Variants in FREM1 observed in about 807,000 individuals in gnomAD.
FREM1 encodes FRAS1-related extracellular matrix protein 1.
FREM1 carries 220 observed loss-of-function variants against 210.1 expected under a neutral mutation model. The ratio of observed to expected loss-of-function variants is 1.05; its 90% CI spans 0.94 to 1.17. The LOEUF is 1.17. FREM1 is among the 50% of genes most tolerant of loss of function. The pLI is 0.00. For synonymous variants in FREM1, 1,189 were observed against 980.2 expected, an observed-to-expected ratio of 1.21 and a Z score of -3.98; for missense variants, 3,454 against 2,675.5, an observed-to-expected ratio of 1.29 and a Z score of -6.42.
intron 20 of FREM1, among the ~76,000 whole-genome samples, chr9:14,799,514 T>A (rs951447470): frequency 3.3e-5 from 5 of 152,142 alleles, no homozygotes; most frequent in African/African-American, 1.2e-4. Flanking sequence ...TATTTTTTCT[T>A]CAAAATGACT....
In FREM1 at chr9:14,859,810, A is replaced by G. The variant is rs187446685; in HGVS notation, c.330-326T>C. On this transcript the variant is annotated intron_variant, in intron 3 of 36. Coordinates refer to ENST00000380880, the MANE Select transcript of FREM1 (RefSeq NM_001379081.2). ...GCACATGTGTAATTTAAGAGTCTCA[A>G]GCCTATATAATTTCTGGATTGACTT... 1.7e-3 allele frequency among the ~76,000 whole-genome samples: 260 copies of G among 152,316 alleles called. 1 individual carries two copies. Among genetic ancestry groups the G allele is most frequent in the Middle Eastern group, 0.01 (3 of 294 alleles).
chr9:14,805,752 T>C (rs1818233845), intron 18 of FREM1, among the ~76,000 whole-genome samples: 1 of 152,258 alleles, frequency 6.6e-6, no homozygotes. Context: ...ATATTTAAAA[T>C]GGACATTCTT....
intron 20 of FREM1, among the ~76,000 whole-genome samples, 182 bp from the exon 21 acceptor site, chr9:14,797,824 T>G (rs1428028513): frequency 3.3e-5 from 5 of 152,210 alleles, no homozygotes; most frequent in Non-Finnish European, 5.9e-5. Context: ...TATTAAAGAC[T>G]TTTTATTTAA....
chr9:14,807,048 C>T (rs1372311757), intron 17 of FREM1, among the ~76,000 whole-genome samples: 1 of 152,074 alleles, frequency 6.6e-6, no homozygotes, highest in Non-Finnish European at 1.5e-5. Context: ...TTACTTTGAC[C>T]TATGGAATTA....
At chr9:14,848,552 T>G in intron 7 of FREM1, 113 bp downstream of exon 7, 1 of 501,786 alleles carries the variant, frequency 2.0e-6, no homozygotes, top group Non-Finnish European at 3.6e-6. Context: ...CTGTCTGGGT[T>G]TCAGTTGCCA....
intron 2 of FREM1, among the ~76,000 whole-genome samples, chr9:14,865,076 T>C (rs947777198): frequency 3.3e-5 from 5 of 152,226 alleles, no homozygotes; most frequent in Admixed American, 6.5e-5. Flanking sequence ...TAAATCCTTT[T>C]CTAATTACTG....
chr9:14,855,692 A>C (rs1400296570), intron 5 of FREM1, among the ~76,000 whole-genome samples: 1 of 152,108 alleles, frequency 6.6e-6, no homozygotes, highest in African/African-American at 2.4e-5. Flanking sequence ...TTACTTTTAT[A>C]TTCATAAATG....
At chr9:14,847,460 G>GAA (rs1268130596) in intron 7 of FREM1, among the ~76,000 whole-genome samples, 3 of 133,582 alleles carry the variant, frequency 2.2e-5, no homozygotes, top group Non-Finnish European at 3.3e-5. Context: ...GAGGGAGGGT[G>GAA]GGAGGGAGAA....
At position 14,758,492 on chromosome 9, in the gene FREM1, A is replaced by T. The variant is rs76793813; in HGVS notation, c.5334+1280T>A. Among the ~76,000 whole-genome samples, 336 of 152,334 alleles carry T rather than the reference A, an allele frequency of 2.2e-3. 6 individuals carry two copies. The East Asian group carries it at 0.047, about 21-fold the overall frequency. ...TTTTCTCCTGTCTTAATAACAAAAA[A>T]GTAACCAACAGATCTAGGAAAAAGG... is the stretch of plus-strand genomic sequence containing the variant. On this transcript the variant is annotated intron_variant, in intron 28 of 36. Transcript: ENST00000380880.
chr9:14,754,672 G>A (rs954217826), intron 29 of FREM1, among the ~76,000 whole-genome samples: 1 of 152,116 alleles, frequency 6.6e-6, no homozygotes, highest in South Asian at 2.1e-4. Flanking sequence ...AGTGACTCAT[G>A]CCTGTAATCC....
At chr9:14,740,048 A>G in intron 36 of FREM1, 101 bp downstream of exon 36, 2 of 654,614 alleles carry the variant, frequency 3.1e-6, no homozygotes, top group South Asian at 5.2e-5. Context: ...ATTGTAAACC[A>G]CTATCATTTA....
chr9:14,791,079 A>C (rs893318273), intron 22 of FREM1: 6 of 152,178 alleles, frequency 3.9e-5, no homozygotes, highest in African/African-American at 1.4e-4. Flanking sequence ...TCCATCAAAT[A>C]ATTGCAATGG....
At chr9:14,806,550 G>A (rs772322434) in intron 18 of FREM1, 111 bp downstream of exon 18, 101 of 700,342 alleles carry the variant, frequency 1.4e-4, no homozygotes, top group Middle Eastern at 1.1e-3. Context: ...CACCACGCCC[G>A]GTGCTTTAAA....
intron 20 of FREM1, 56 bp from the exon 21 acceptor site, chr9:14,797,698 T>G (rs1852703444): frequency 7.0e-7 from 1 of 1,419,576 alleles, no homozygotes; most frequent in African/African-American, 1.4e-5. Context: ...CATCATGACA[T>G]ATGTCACAGA....
At chr9:14,817,580 G>A (rs1820531402) in intron 14 of FREM1, among the ~76,000 whole-genome samples, 5 of 152,264 alleles carry the variant, frequency 3.3e-5, no homozygotes, top group Non-Finnish European at 1.5e-5. Flanking sequence ...AAAGTTCTAA[G>A]GAGCTGCTGA....
Position 14,738,797 on chromosome 9 carries a change from G to T in FREM1, c.6341-1202C>A, listed in dbSNP as rs138068634. Among the ~76,000 whole-genome samples the T allele has an allele frequency of 2.7e-4, 41 of 152,078 alleles. 3 individuals are homozygous for T. The East Asian group carries it at 8.0e-3, about 30-fold the overall frequency. On this transcript the variant is annotated intron_variant, in intron 36 of 36. Coordinates refer to ENST00000380880, the MANE Select transcript of FREM1 (RefSeq NM_001379081.2). ...GACCGAGGCAGGTGGATCACCTGAG[G>T]TCAGGAGTTCGAGACCAGCCTGGCC...
intron 21 of FREM1, among the ~76,000 whole-genome samples, chr9:14,796,767 T>C (rs13285160): frequency 0.36 from 54,414 of 151,982 alleles, 9,896 homozygotes; most frequent in African/African-American, 0.4. Flanking sequence ...GTTTGCTTCC[T>C]CTTCTGTCAT....
chr9:14,784,860 G>T (rs541428383), intron 23 of FREM1, among the ~76,000 whole-genome samples: 8 of 152,156 alleles, frequency 5.3e-5, no homozygotes, highest in Non-Finnish European at 5.9e-5. Context: ...AAATGCTCAA[G>T]CTCATTAGTA....
In FREM1 at chr9:14,857,606, A is replaced by G; in HGVS notation, c.775T>C (p.Tyr259His). ...HLDPPSPNID[Y>H]ISIQLDLTDT... is the part of the protein sequence containing the mutation. ...GTGAGGTCCAGTTGGATGGAGATAT[A>G]ATCAATGTTGGGTGAAGGGGGATCC... The change falls in exon 5 of 37, where the codon TAT (tyrosine) becomes CAT (histidine). Residue 259 changes from tyrosine (Y) to histidine (H), a missense_variant. Transcript: ENST00000380880. The G allele has an allele frequency of 6.2e-7, 1 of 1,613,872 alleles. No individual in the cohort carries two copies. The highest frequency in any genetic ancestry group is 2.2e-5 in the East Asian group (1 of 44,864).
Sources: gnomAD v4.1 joint callset for allele counts (sites outside exome capture counted in the v4.1 genomes callset) on GRCh38, gnomAD v4.1.1 for gene constraint, MANE v1.5 for transcripts, NCBI Gene and HGNC (gene_info 2026-07-23, HGNC 2026-07-21) for gene names.